The following GSK3B variants were observed in gnomAD, a reference collection of about 807,000 sequenced individuals.
GSK3B encodes glycogen synthase kinase 3 beta.
In GSK3B, 15 loss-of-function variants were observed where a neutral mutation model predicts 56.4. The observed-to-expected ratio is 0.27, with a 90% confidence interval of 0.18 to 0.41. The LOEUF (loss-of-function observed/expected upper bound fraction) is 0.41, where lower values mean the gene tolerates loss of function less well. GSK3B is among the 10% of genes least tolerant of loss of function. The pLI is 1.00. For missense variants in GSK3B, 300 were observed against 513.4 expected (o/e 0.58, Z 4.02); for synonymous variants, 181 against 188.9 (o/e 0.96, Z 0.34).
intron 2 of GSK3B, among the ~76,000 whole-genome samples, chr3:119,964,272 G>A (rs1470434315): frequency 6.6e-6 from 1 of 152,030 alleles, no homozygotes; most frequent in Non-Finnish European, 1.5e-5. Flanking sequence ...CCCACTTCTG[G>A]GTAAACATCC....
intron 1 of GSK3B, among the ~76,000 whole-genome samples, chr3:120,036,622 G>A (rs145659034): frequency 2.6e-3 from 399 of 151,986 alleles, no homozygotes; most frequent in African/African-American, 8.5e-3. Context: ...GCAAAACCCC[G>A]TATCTACTAA....
intron 8 of GSK3B, among the ~76,000 whole-genome samples, chr3:119,865,466 ATTTTTTT>A (rs779477802): frequency 0.024 from 798 of 33,790 alleles, 11 homozygotes; most frequent in African/African-American, 0.043. Flanking sequence ...ATATATATAT[ATTTTTTT>A]TTTTTTTTTT....
At chr3:119,931,932 T>G (rs1053938630) in intron 3 of GSK3B, among the ~76,000 whole-genome samples, 1 of 152,186 alleles carries the variant, frequency 6.6e-6, no homozygotes, top group Non-Finnish European at 1.5e-5. Flanking sequence ...CTCTAATCAC[T>G]GATAACCATT....
At chr3:119,885,229 A>G (rs2056422444) in intron 7 of GSK3B, among the ~76,000 whole-genome samples, 1 of 148,782 alleles carries the variant, frequency 6.7e-6, no homozygotes, top group Non-Finnish European at 1.5e-5. Context: ...CAACAACACA[A>G]TCCTATTTAC....
chr3:119,854,343 G>A (rs1352253658), intron 9 of GSK3B, among the ~76,000 whole-genome samples: 3 of 152,094 alleles, frequency 2.0e-5, no homozygotes, highest in African/African-American at 4.8e-5. Context: ...GAAGATTTTT[G>A]CATCCATATT....
intron 9 of GSK3B, among the ~76,000 whole-genome samples, chr3:119,862,409 GAT>G (rs1373135234): frequency 1.5e-5 from 2 of 133,596 alleles, no homozygotes; most frequent in Non-Finnish European, 3.2e-5. Flanking sequence ...AGCATTGGGA[GAT>G]ATACCTAATG....
intron 7 of GSK3B, among the ~76,000 whole-genome samples, chr3:119,879,425 C>T (rs1398111870): frequency 2.0e-5 from 3 of 152,140 alleles, no homozygotes; most frequent in African/African-American, 7.2e-5. Context: ...TCGTGATTTA[C>T]CCACTTCAGC....
chr3:119,990,748 G>C (rs577599600), intron 2 of GSK3B, among the ~76,000 whole-genome samples: 31 of 152,236 alleles, frequency 2.0e-4, no homozygotes, highest in Non-Finnish European at 3.4e-4. Context: ...GACCAACATG[G>C]TGAAACCCCA....
intron 7 of GSK3B, among the ~76,000 whole-genome samples, chr3:119,877,148 C>T (rs2108049642): frequency 6.6e-6 from 1 of 152,160 alleles, no homozygotes; most frequent in Admixed American, 6.6e-5. Context: ...GATTACCATA[C>T]TCAAAAATAT....
chr3:119,863,848 G>C (rs979497888), intron 8 of GSK3B, among the ~76,000 whole-genome samples: 3 of 152,144 alleles, frequency 2.0e-5, no homozygotes, highest in Admixed American at 2.0e-4. Context: ...ATAACAATCA[G>C]ACATGCATAC....
chr3:119,944,731 T>A (rs2057083688), intron 3 of GSK3B, among the ~76,000 whole-genome samples: 1 of 152,162 alleles, frequency 6.6e-6, no homozygotes, highest in African/African-American at 2.4e-5. Flanking sequence ...GAATCTCTAC[T>A]TGCATGTGTC....
chr3:119,908,494 T>A (rs914106509), intron 6 of GSK3B, among the ~76,000 whole-genome samples: 1 of 152,112 alleles, frequency 6.6e-6, no homozygotes, highest in Non-Finnish European at 1.5e-5. Flanking sequence ...TCACAGCCAC[T>A]CAGAAAAGAA....
intron 1 of GSK3B, among the ~76,000 whole-genome samples, chr3:120,061,548 C>T (rs1019924287): frequency 6.6e-6 from 1 of 152,034 alleles, no homozygotes; most frequent in African/African-American, 2.4e-5. Flanking sequence ...TAATGTCTGG[C>T]ACAAAAGAAA....
intron 7 of GSK3B, among the ~76,000 whole-genome samples, chr3:119,899,592 C>T (rs2056605448): frequency 6.6e-6 from 1 of 152,072 alleles, no homozygotes; most frequent in African/African-American, 2.4e-5. Context: ...ATACCACAAA[C>T]AAGCATCAAA....
In GSK3B at chr3:119,886,705, C is replaced by T. The variant is rs534960344; in HGVS notation, c.814-10197G>A. 6.6e-5 allele frequency among the ~76,000 whole-genome samples: 10 copies of T among 152,076 alleles called. 1 individual carries two copies. In the South Asian group the frequency reaches 1.5e-3, roughly 22 times the overall value. On this transcript the variant is annotated intron_variant, in intron 7 of 10. Coordinates refer to ENST00000264235, the MANE Select transcript of GSK3B (RefSeq NM_001146156.2). ...TACCATGCAGCCATAAAAAAAATTA[C>T]GTCCTTTGCAACAACATAGATGCTG...
chr3:119,879,401 T>C (rs566385030), intron 7 of GSK3B, among the ~76,000 whole-genome samples: 2 of 152,246 alleles, frequency 1.3e-5, no homozygotes, highest in African/African-American at 2.4e-5. Context: ...CAGGATGGTC[T>C]TGATCTCCTG....
intron 2 of GSK3B, among the ~76,000 whole-genome samples, chr3:119,955,212 T>C (rs2057199745): frequency 6.6e-6 from 1 of 151,246 alleles, no homozygotes; most frequent in Non-Finnish European, 1.5e-5. Context: ...GTAAATTCAG[T>C]TGCCCTAAAA....
At chr3:119,944,196 A>G (rs185930942) in intron 3 of GSK3B, among the ~76,000 whole-genome samples, 232 of 152,244 alleles carry the variant, frequency 1.5e-3, no homozygotes, top group Middle Eastern at 3.4e-3. Context: ...TTGCCTCCTC[A>G]AACTTCCTGT....
chr3:119,889,597 T>C (rs1203477654), intron 7 of GSK3B, among the ~76,000 whole-genome samples: 7 of 152,090 alleles, frequency 4.6e-5, no homozygotes, highest in Middle Eastern at 3.4e-3. Flanking sequence ...AAACCACTGA[T>C]TTAATCCATA....
Sources: allele counts gnomAD v4.1 joint callset (sites outside exome capture counted in the v4.1 genomes callset), GRCh38; gene constraint gnomAD v4.1.1; transcripts MANE v1.5; gene names NCBI Gene and HGNC (gene_info 2026-07-23, HGNC 2026-07-21).